The following ITK variants were observed in gnomAD, a reference collection of about 807,000 sequenced individuals.
The protein encoded by ITK is tyrosine-protein kinase ITK/TSK.
Under a neutral mutation model 87.6 loss-of-function variants are expected in ITK, and 45 were observed. The observed-to-expected ratio is 0.51, with a 90% CI of 0.40 to 0.66. ITK has a LOEUF of 0.66. Ranked by LOEUF, ITK falls within the 30% of genes least tolerant of loss-of-function variation. The pLI, the probability that ITK is intolerant of heterozygous loss-of-function variation, is 0.00. For missense variants in ITK, 605 were observed against 766.3 expected (o/e 0.79, Z 2.48); for synonymous variants, 303 against 273.6 (o/e 1.11, Z -1.06).
intron 8 of ITK, among the ~76,000 whole-genome samples, chr5:157,234,102 T>C (rs1754728296): frequency 6.8e-6 from 1 of 147,490 alleles, no homozygotes; most frequent in Non-Finnish European, 1.5e-5. Context: ...TGCCTCAGCC[T>C]CCTAAGTAGC....
intron 5 of ITK, among the ~76,000 whole-genome samples, chr5:157,220,576 G>A (rs1754394551): frequency 6.6e-6 from 1 of 152,154 alleles, no homozygotes; most frequent in South Asian, 2.1e-4. Flanking sequence ...AGGTTGTGCT[G>A]AGGCCTGCAG....
Position 157,244,445 on chromosome 5 carries a change from C to T in ITK, c.1416C>T (p.Tyr472=). ...MCLDVCEGMA[Y]LEEACVIHRD... is the part of the protein sequence containing the mutation. ...TGGATGTGTGTGAGGGCATGGCCTACCTGGAAGAGGCATGTGTCATCCACA... is the reference window on the plus strand; with the variant it reads ...TGGATGTGTGTGAGGGCATGGCCTATCTGGAAGAGGCATGTGTCATCCACA... Residue 472 remains tyrosine, a synonymous_variant, in exon 13 of 17, where the codon TAC becomes TAT. Transcript: ENST00000422843. 1.2e-6 allele frequency: 2 copies of T among 1,613,114 alleles called. No individual in the cohort carries two copies. Among genetic ancestry groups the T allele is most frequent in the Non-Finnish European group, 1.7e-6 (2 of 1,179,070 alleles).
chr5:157,209,328 CAAA>C (rs34768868), intron 2 of ITK, among the ~76,000 whole-genome samples: 3 of 122,564 alleles, frequency 2.4e-5, no homozygotes, highest in Non-Finnish European at 3.6e-5. Flanking sequence ...GAGACTCCGT[CAAA>C]AAAAAAAAAA....
At chr5:157,181,795 A>G (rs1275777501) in intron 1 of ITK, among the ~76,000 whole-genome samples, 2 of 152,356 alleles carry the variant, frequency 1.3e-5, no homozygotes. Flanking sequence ...ACCCAGAAGG[A>G]GTATGGCTGC....
chr5:157,189,942 C>G (rs1434132953), intron 1 of ITK, among the ~76,000 whole-genome samples: 2 of 152,120 alleles, frequency 1.3e-5, no homozygotes, highest in Non-Finnish European at 2.9e-5. Context: ...AATTTTCATC[C>G]AGAGGTCAGT....
At chr5:157,223,350 T>C (rs1039000510) in intron 6 of ITK, among the ~76,000 whole-genome samples, 6 of 152,190 alleles carry the variant, frequency 3.9e-5, no homozygotes, top group Non-Finnish European at 7.3e-5. Flanking sequence ...CTATTGTTCC[T>C]GAGTGTTAAG....
intron 11 of ITK, among the ~76,000 whole-genome samples, chr5:157,242,210 C>A (rs576559499): frequency 6.6e-6 from 1 of 152,264 alleles, no homozygotes; most frequent in African/African-American, 2.4e-5. Flanking sequence ...AGTGCCGCAG[C>A]CCCTACTATG....
In ITK at chr5:157,244,364, T is replaced by G. The variant is rs752788773; in HGVS notation, c.1335T>G (p.Asp445Glu). Residue 445 changes from aspartate (D) to glutamate (E), a missense_variant, in exon 13 of 17, where the codon GAT becomes GAG. Physicochemically the swap from Asp to Glu is conservative, Grantham distance 45. Coordinates refer to ENST00000422843, the MANE Select transcript of ITK (RefSeq NM_005546.4). The stretch of plus-strand genomic sequence containing the variant: ...TCATGGAGCACGGCTGCCTGTCAGA[T>G]TATCTACGCACCCAGCGGGGACTTT... ...FEFMEHGCLS[D>E]YLRTQRGLFA... The G allele has an allele frequency of 4.9e-5, 79 of 1,614,096 alleles. 1 individual carries two copies. Among genetic ancestry groups the G allele is most frequent in the Non-Finnish European group, 6.5e-5 (77 of 1,179,994 alleles).
intron 1 of ITK, among the ~76,000 whole-genome samples, chr5:157,190,472 AG>A (rs1181246656): frequency 3.3e-5 from 5 of 152,338 alleles, no homozygotes; most frequent in African/African-American, 1.2e-4. Context: ...TAAGTAATGG[AG>A]GCAGGTGTCT....
chr5:157,182,401 G>T (rs962420427), intron 1 of ITK, among the ~76,000 whole-genome samples: 24 of 152,236 alleles, frequency 1.6e-4, no homozygotes, highest in African/African-American at 5.8e-4. Flanking sequence ...AAAGTTGCAG[G>T]TGTTGCATGT....
Position 157,252,413 on chromosome 5 carries a change from G to A in ITK, c.1792-194G>A, listed in dbSNP as rs12055362. Among the ~76,000 whole-genome samples the A allele has an allele frequency of 0.092, 14,007 of 152,216 alleles. 901 individuals are homozygous for A. Among genetic ancestry groups the A allele is most frequent in the East Asian group, 0.23 (1,175 of 5,170 alleles). ...CACACAGCTAATTAGTGGTAAAACTGAGATTAAACACTAGTCCCTTGGATT... is the reference window on the plus strand; with the variant it reads ...CACACAGCTAATTAGTGGTAAAACTAAGATTAAACACTAGTCCCTTGGATT... On this transcript the variant is annotated intron_variant, in intron 16 of 16. Transcript: ENST00000422843.
chr5:157,248,851 T>C lies in ITK; in HGVS notation c.1635T>C (p.Gly545=), dbSNP rs1409937206. The C allele has an allele frequency of 6.2e-7, 1 of 1,613,990 alleles. No homozygotes were observed. Among genetic ancestry groups the C allele is most frequent in the Admixed American group, 1.7e-5 (1 of 60,006 alleles). ...TGCTGTGCTCACCATTTCTTGTAGG[T>C]GTGCTGATGTGGGAAGTTTTCAGTG... ...YSSKSDVWSF[G]VLMWEVFSEG... The change falls in exon 16 of 17, where the codon GGT becomes GGC. Residue 545 remains glycine (G), a splice_region_variant and synonymous_variant. Coordinates refer to ENST00000422843, the MANE Select transcript of ITK (RefSeq NM_005546.4).
intron 13 of ITK, 137 bp from the exon 14 acceptor site, chr5:157,245,589 A>G (rs752610923): frequency 7.1e-5 from 53 of 748,414 alleles, no homozygotes; most frequent in Non-Finnish European, 1.2e-4. Context: ...CTTAATTAAC[A>G]TTTGTAAAGC....
intron 1 of ITK, among the ~76,000 whole-genome samples, chr5:157,201,139 A>G (rs1753963215): frequency 6.6e-6 from 1 of 152,136 alleles, no homozygotes; most frequent in South Asian, 2.1e-4. Context: ...AATATTTGAC[A>G]AATCCAACAC....
intron 1 of ITK, among the ~76,000 whole-genome samples, chr5:157,205,938 T>C (rs467443): frequency 0.7 from 105,467 of 150,112 alleles, 37,698 homozygotes; most frequent in East Asian, 0.98. Context: ...AACCTTGCAT[T>C]CCTAAAGCCT....
At chr5:157,244,516 T>C in intron 13 of ITK, 38 bp downstream of exon 13, 1 of 1,137,374 alleles carries the variant, frequency 8.8e-7, no homozygotes, top group Admixed American at 1.7e-5. Context: ...AGGTCCAGGG[T>C]AAAGGGACAG....
At chr5:157,249,569 T>A (rs1201925410) in intron 16 of ITK, among the ~76,000 whole-genome samples, 1 of 152,238 alleles carries the variant, frequency 6.6e-6, no homozygotes, top group African/African-American at 2.4e-5. Context: ...TAGAAAATCA[T>A]ACATTTCAGC....
At chr5:157,185,261 C>T (rs1159463112) in intron 1 of ITK, among the ~76,000 whole-genome samples, 2 of 147,244 alleles carry the variant, frequency 1.4e-5, no homozygotes, top group African/African-American at 5.1e-5. Flanking sequence ...TTTTTTTAGA[C>T]AGAGTCTTGC....
chr5:157,240,046 G>A lies in ITK; in HGVS notation c.852-16G>A. ...GCTTCTTAATAATCATTACATTTGT[G>A]TTTCATTTGTTTAAGTGAGAACAAT... On this transcript the variant is annotated splice_polypyrimidine_tract_variant and intron_variant, in intron 9 of 16. Coordinates refer to ENST00000422843, the MANE Select transcript of ITK (RefSeq NM_005546.4). The A allele has an allele frequency of 6.2e-7, 1 of 1,609,686 alleles. No individual in the cohort carries two copies. The highest frequency in any genetic ancestry group is 8.5e-7 in the Non-Finnish European group (1 of 1,176,318).
Sources: allele counts gnomAD v4.1 joint callset (sites outside exome capture counted in the v4.1 genomes callset), GRCh38; gene constraint gnomAD v4.1.1; transcripts MANE v1.5; gene names NCBI Gene and HGNC (gene_info 2026-07-23, HGNC 2026-07-21).